Variants in PGM2L1 observed in about 807,000 individuals in gnomAD.
PGM2L1 encodes the protein glucose 1,6-bisphosphate synthase.
Under a neutral mutation model 73.4 loss-of-function variants are expected in PGM2L1, and 35 were observed. That is an observed-to-expected ratio of 0.48 (90% CI 0.36 to 0.63). PGM2L1 has a LOEUF of 0.63. Among genes scored for constraint, PGM2L1 ranks in the 30% least tolerant of loss-of-function variants. PGM2L1 has a pLI of 0.00. For missense variants in PGM2L1, 570 were observed against 742.0 expected (o/e 0.77, Z 2.69); for synonymous variants, 225 against 253.8 (o/e 0.89, Z 1.08).
Position 74,363,586 on chromosome 11 carries a change from T to C in PGM2L1, c.555+4906A>G, listed in dbSNP as rs150791720. Among the ~76,000 whole-genome samples, 772 of 152,242 alleles carry C rather than the reference T, an allele frequency of 5.1e-3. 11 individuals carry two copies. The highest frequency in any genetic ancestry group is 6.8e-3 in the Middle Eastern group (2 of 294). On this transcript the variant is annotated intron_variant, in intron 5 of 13. Coordinates refer to ENST00000298198, the MANE Select transcript of PGM2L1 (RefSeq NM_173582.6). ...TACAAACTACCATCAGAGAATACTA[T>C]AAACACCTCTATGCAAATAAACTAG...
At chr11:74,347,004 A>AC in intron 7 of PGM2L1, 144 bp downstream of exon 7, 2 of 949,678 alleles carry the variant, frequency 2.1e-6, no homozygotes. Context: ...CAAACAAAAC[A>AC]CAGCCTATTA....
intron 5 of PGM2L1, among the ~76,000 whole-genome samples, chr11:74,358,202 A>C (rs899668161): frequency 2.0e-5 from 3 of 152,220 alleles, no homozygotes; most frequent in Admixed American, 6.5e-5. Context: ...TAGGCTCATC[A>C]TATGTACCAC....
chr11:74,343,471 A>G (rs1282788224), intron 9 of PGM2L1, 55 bp from the exon 10 acceptor site: 4 of 1,579,078 alleles, frequency 2.5e-6, no homozygotes, highest in Admixed American at 2.0e-5. Context: ...AATACCTATT[A>G]GAGAAAAATC....
Position 74,338,462 on chromosome 11 carries a change from T to G in PGM2L1, c.1766+6A>C. ...GTATGTATATCTTAAAAAAATCAATTCTTACCTCTGGTCAGGTGACGCACA... is the reference window on the plus strand; with the variant it reads ...GTATGTATATCTTAAAAAAATCAATGCTTACCTCTGGTCAGGTGACGCACA... On this transcript the variant is annotated splice_donor_region_variant and intron_variant, in intron 13 of 13. Transcript: ENST00000298198. The G allele has an allele frequency of 6.5e-7, 1 of 1,540,214 alleles. No individual in the cohort carries two copies. The highest frequency in any genetic ancestry group is 8.8e-7 in the Non-Finnish European group (1 of 1,130,094).
At chr11:74,395,913 G>T (rs1173068303) in intron 1 of PGM2L1, among the ~76,000 whole-genome samples, 1 of 151,916 alleles carries the variant, frequency 6.6e-6, no homozygotes, top group Non-Finnish European at 1.5e-5. Context: ...TATAGGCATA[G>T]AATGGACAAT....
chr11:74,345,320 T>G, intron 9 of PGM2L1, 149 bp downstream of exon 9: 1 of 815,936 alleles, frequency 1.2e-6, no homozygotes, highest in Non-Finnish European at 1.9e-6. Context: ...GTGTCTAAAT[T>G]ATCAAAAGAG....
intron 1 of PGM2L1, among the ~76,000 whole-genome samples, chr11:74,378,076 C>T (rs1459197714): frequency 1.3e-5 from 2 of 151,942 alleles, no homozygotes; most frequent in Admixed American, 6.5e-5. Flanking sequence ...TCGAGGCGGG[C>T]GGATCACCTG....
At chr11:74,379,951 T>C (rs1351605086) in intron 1 of PGM2L1, among the ~76,000 whole-genome samples, 3 of 152,078 alleles carry the variant, frequency 2.0e-5, no homozygotes, top group Non-Finnish European at 2.9e-5. Flanking sequence ...ATTCTAATAT[T>C]GTTACACATC....
At position 74,376,655 on chromosome 11, in the gene PGM2L1, A is replaced by G. The variant is rs139725644; in HGVS notation, c.112-2073T>C. On this transcript the variant is annotated intron_variant, in intron 1 of 13. Transcript: ENST00000298198. ...TATATAAATGATCCAGCAGACATAA[A>G]TGCTGTTGGTTACTGAGTATACTTC... 5.9e-5 allele frequency among the ~76,000 whole-genome samples: 9 copies of G among 152,184 alleles called. No homozygotes were observed. In the East Asian group the frequency reaches 1.7e-3, roughly 29 times the overall value.
At chr11:74,377,284 C>A (rs1224891426) in intron 1 of PGM2L1, among the ~76,000 whole-genome samples, 3 of 152,050 alleles carry the variant, frequency 2.0e-5, no homozygotes, top group African/African-American at 7.2e-5. Flanking sequence ...CAGGCGCCCG[C>A]CACCACGCCC....
In PGM2L1 at chr11:74,359,564, C is replaced by CATATATAT. The variant is rs56089033; in HGVS notation, c.556-7996_556-7989dup. Among the ~76,000 whole-genome samples the CATATATAT allele has an allele frequency of 3.1e-3, 460 of 150,060 alleles. 3 individuals carry two copies. Among genetic ancestry groups the CATATATAT allele is most frequent in the African/African-American group, 0.011 (443 of 40,748 alleles). ...ATGTGTGTATATATACACGTACATA[C>CATATATAT]ATATATATATATATATACACATACA... On this transcript the variant is annotated intron_variant, in intron 5 of 13. Transcript: ENST00000298198.
At chr11:74,394,479 AC>A (rs1337028528) in intron 1 of PGM2L1, among the ~76,000 whole-genome samples, 1 of 152,102 alleles carries the variant, frequency 6.6e-6, no homozygotes, top group Non-Finnish European at 1.5e-5. Context: ...TACATGGAGT[AC>A]CCCAAACTGC....
chr11:74,347,480 A>G, intron 6 of PGM2L1, 143 bp from the exon 7 acceptor site: 1 of 643,286 alleles, frequency 1.6e-6, no homozygotes, highest in East Asian at 3.1e-5. Context: ...AAACAAACAA[A>G]TCAAGAGTAC....
chr11:74,397,242 G>T (rs960312007), intron 1 of PGM2L1, among the ~76,000 whole-genome samples: 1 of 151,938 alleles, frequency 6.6e-6, no homozygotes, highest in Non-Finnish European at 1.5e-5. Flanking sequence ...TCCTCTGTTG[G>T]AGCTACCAGG....
chr11:74,370,942 G>A lies in PGM2L1; in HGVS notation c.431C>T (p.Pro144Leu). 6.2e-7 allele frequency: 1 copy of A among 1,613,148 alleles called. No homozygotes were observed. The highest frequency in any genetic ancestry group is 8.5e-7 in the Non-Finnish European group (1 of 1,179,402). ...TAAVLLAKDV[P>L]VYLFSRYVPT... ...AACATATCTTGAAAAAAGGTACACA[G>A]GAACATCTTTGGCCAGCAAGACTGC... is the stretch of plus-strand genomic sequence containing the variant. Residue 144 changes from proline to leucine, a missense_variant, in exon 4 of 14, where the codon CCT (proline) becomes CTT (leucine). Pro to Leu is a moderately conservative substitution (Grantham distance 98). Coordinates refer to ENST00000298198, the MANE Select transcript of PGM2L1 (RefSeq NM_173582.6).
At chr11:74,352,775 A>G (rs1591172610) in intron 5 of PGM2L1, among the ~76,000 whole-genome samples, 1 of 152,348 alleles carries the variant, frequency 6.6e-6, no homozygotes. Context: ...GACTCCAGGC[A>G]GTGGGAAAAA....
In PGM2L1 at chr11:74,330,820, T is replaced by G. The variant is rs1862000256; in HGVS notation, c.*5832A>C. 1 of 152,576 alleles carries G rather than the reference T, an allele frequency of 6.6e-6. No homozygotes were observed. Among genetic ancestry groups the G allele is most frequent in the African/African-American group, 2.4e-5 (1 of 41,464 alleles). 9.5% of individuals were successfully genotyped at this position (152,576 alleles called of 1,614,324 possible). ...TACCTTCCTGGCCAACACCTTGCTT[T>G]GAGTGTAAAATACCAGGCATTATAT... On this transcript the variant is annotated 3_prime_UTR_variant, in exon 14 of 14. Coordinates refer to ENST00000298198, the MANE Select transcript of PGM2L1 (RefSeq NM_173582.6).
At position 74,370,962 on chromosome 11, in the gene PGM2L1, G is replaced by C. The variant is rs147813938; in HGVS notation, c.411C>G (p.Val137=). The C allele has an allele frequency of 1.2e-6, 2 of 1,612,586 alleles. No individual in the cohort carries two copies. The highest frequency in any genetic ancestry group is 1.7e-5 in the Admixed American group (1 of 59,980). The change falls in exon 4 of 14, where the codon GTC becomes GTG. Residue 137 remains valine (V), a synonymous_variant. Coordinates refer to ENST00000298198, the MANE Select transcript of PGM2L1 (RefSeq NM_173582.6). The part of the protein sequence containing the change: ...SQRLAKLTAA[V]LLAKDVPVYL... Reference sequence around the variant, plus strand: ...ACACAGGAACATCTTTGGCCAGCAAGACTGCAGCAGTGAGTTTAGCAAGCC... The same window carrying C: ...ACACAGGAACATCTTTGGCCAGCAACACTGCAGCAGTGAGTTTAGCAAGCC...
Position 74,345,582 on chromosome 11 carries a change from A to G in PGM2L1, c.1105T>C (p.Trp369Arg), listed in dbSNP as rs2134888310. Residue 369 changes from tryptophan to arginine, a missense_variant, in exon 9 of 14, where the codon TGG becomes CGG. By Grantham distance (101) the Trp-to-Arg change is moderately radical (BLOSUM62 -3). Transcript: ENST00000298198. ...ALFGWWMFDC[W>R]KKNKSRNADV... ...GCATTTCTTGATTTATTTTTCTTCC[A>G]GCAATCAAACATCCACCATCCAAAC... 1 of 1,613,854 alleles carries G rather than the reference A, an allele frequency of 6.2e-7. No homozygotes were observed. Among genetic ancestry groups the G allele is most frequent in the African/African-American group, 1.3e-5 (1 of 75,036 alleles).
Sources: gnomAD v4.1 joint callset for allele counts (sites outside exome capture counted in the v4.1 genomes callset) on GRCh38, gnomAD v4.1.1 for gene constraint, MANE v1.5 for transcripts, NCBI Gene and HGNC (gene_info 2026-07-23, HGNC 2026-07-21) for gene names.